The following CTDSPL variants were observed in gnomAD, a reference collection of about 807,000 sequenced individuals.
CTDSPL encodes CTD small phosphatase like, also known as CTD small phosphatase-like protein.
A neutral mutation model predicts 30.5 loss-of-function variants in CTDSPL; 8 were observed. The ratio of observed to expected loss-of-function variants is 0.26; its 90% CI spans 0.15 to 0.47. The LOEUF (loss-of-function observed/expected upper bound fraction) is 0.47. Ranked by LOEUF, CTDSPL falls within the 20% of genes least tolerant of loss-of-function variation. The pLI, the probability that CTDSPL is intolerant of heterozygous loss-of-function variation, is 0.99. For missense variants in CTDSPL, 248 were observed against 366.1 expected (o/e 0.68, Z 2.63); for synonymous variants, 110 against 137.9 (o/e 0.80, Z 1.42).
rs1699278012 is a variant in CTDSPL, at chr3:37,964,462, G to T, written c.268-109G>T. On this transcript the variant is annotated intron_variant, in intron 3 of 7. Transcript: ENST00000273179. ...CTTATTCCTATTGTTCTTAATAAAA[G>T]CCCATTATACGCTTGACCAGGCATT... is the stretch of plus-strand genomic sequence containing the variant. 1.1e-5 allele frequency: 7 copies of T among 665,788 alleles called. No homozygotes were observed. In the South Asian group the frequency reaches 1.2e-4, roughly 12 times the overall value. The allele number at this position is 665,788 out of a possible 1,614,324, so 41.2% of individuals were successfully genotyped here.
At chr3:37,869,130 G>A (rs1031543729) in intron 1 of CTDSPL, among the ~76,000 whole-genome samples, 2 of 152,016 alleles carry the variant, frequency 1.3e-5, no homozygotes, top group African/African-American at 4.8e-5. Context: ...TTACATCTGA[G>A]TGTTCTTTTT....
intron 1 of CTDSPL, among the ~76,000 whole-genome samples, chr3:37,927,113 G>A (rs1263595608): frequency 6.6e-6 from 1 of 152,058 alleles, no homozygotes; most frequent in Non-Finnish European, 1.5e-5. Context: ...GAAGCCACAA[G>A]TGGAAAATTC....
intron 1 of CTDSPL, among the ~76,000 whole-genome samples, chr3:37,894,692 C>T (rs1290248254): frequency 6.6e-6 from 1 of 152,006 alleles, no homozygotes; most frequent in Admixed American, 6.6e-5. Flanking sequence ...ATGGTTAAAC[C>T]TATGGTAGAC....
At chr3:37,871,102 C>T (rs1345067027) in intron 1 of CTDSPL, among the ~76,000 whole-genome samples, 1 of 152,122 alleles carries the variant, frequency 6.6e-6, no homozygotes, top group African/African-American at 2.4e-5. Flanking sequence ...CTCTGTGCTC[C>T]ACTTATTCAT....
intron 6 of CTDSPL, 59 bp downstream of exon 6, chr3:37,971,558 T>A (rs1184267772): frequency 1.4e-6 from 2 of 1,459,258 alleles, no homozygotes; most frequent in African/African-American, 1.4e-5. Context: ...CCTCCACCCC[T>A]ACCCCCAATC....
chr3:37,880,975 C>T (rs1011923598), intron 1 of CTDSPL, among the ~76,000 whole-genome samples: 2 of 148,708 alleles, frequency 1.3e-5, no homozygotes, highest in Non-Finnish European at 3.0e-5. Flanking sequence ...CACCATGGAA[C>T]TATTCTAGTG....
At chr3:37,926,954 C>CT in intron 1 of CTDSPL, among the ~76,000 whole-genome samples, 1 of 152,164 alleles carries the variant, frequency 6.6e-6, no homozygotes. Context: ...AATTCCAGTT[C>CT]TACTACTTAG....
At chr3:37,872,427 CT>C (rs2125588726) in intron 1 of CTDSPL, among the ~76,000 whole-genome samples, 1 of 150,526 alleles carries the variant, frequency 6.6e-6, no homozygotes, top group African/African-American at 2.4e-5. Flanking sequence ...GACTCTGGGT[CT>C]TATTTAAGCC....
chr3:37,864,772 ATAATT>A (rs1697990460), intron 1 of CTDSPL, among the ~76,000 whole-genome samples: 1 of 152,036 alleles, frequency 6.6e-6, no homozygotes, highest in Non-Finnish European at 1.5e-5. Flanking sequence ...TGTATTTTAC[ATAATT>A]TTATTTTGAG....
intron 1 of CTDSPL, among the ~76,000 whole-genome samples, chr3:37,930,375 C>A (rs1294377301): frequency 3.9e-5 from 6 of 152,218 alleles, no homozygotes; most frequent in Admixed American, 6.5e-5. Context: ...GTCCTCATGC[C>A]TCCAGCCTCC....
At chr3:37,926,237 C>A (rs1191528441) in intron 1 of CTDSPL, among the ~76,000 whole-genome samples, 1 of 152,094 alleles carries the variant, frequency 6.6e-6, no homozygotes, top group Non-Finnish European at 1.5e-5. Context: ...ACTAGCAGAG[C>A]CCAAGTGAGC....
chr3:37,926,546 T>C (rs766418735), intron 1 of CTDSPL, among the ~76,000 whole-genome samples: 2 of 152,232 alleles, frequency 1.3e-5, no homozygotes, highest in Non-Finnish European at 2.9e-5. Context: ...GTTTTTGGTG[T>C]CAGTGGTTTG....
chr3:37,966,300 G>T (rs1699297886), intron 4 of CTDSPL, among the ~76,000 whole-genome samples: 1 of 152,142 alleles, frequency 6.6e-6, no homozygotes, highest in Non-Finnish European at 1.5e-5. Flanking sequence ...TAAAGTTCTG[G>T]GCATTTCAAA....
chr3:37,953,819 A>G (rs186855564), intron 2 of CTDSPL, among the ~76,000 whole-genome samples: 1 of 152,222 alleles, frequency 6.6e-6, no homozygotes, highest in East Asian at 1.9e-4. Context: ...CAACCAACAC[A>G]GGAAAATCAA....
At chr3:37,939,305 A>T (rs965702139) in intron 1 of CTDSPL, among the ~76,000 whole-genome samples, 1 of 150,252 alleles carries the variant, frequency 6.7e-6, no homozygotes, top group Non-Finnish European at 1.5e-5. Context: ...TCATTCCTGT[A>T]TTATTGTTGC....
At chr3:37,864,352 C>T (rs1697981934) in intron 1 of CTDSPL, among the ~76,000 whole-genome samples, 2 of 152,192 alleles carry the variant, frequency 1.3e-5, no homozygotes, top group African/African-American at 4.8e-5. Context: ...TGTACAAATA[C>T]TCCAGGATAG....
At chr3:37,909,818 C>T (rs928864959) in intron 1 of CTDSPL, among the ~76,000 whole-genome samples, 1 of 152,216 alleles carries the variant, frequency 6.6e-6, no homozygotes, top group Non-Finnish European at 1.5e-5. Context: ...GTCACTATTG[C>T]TTGTAATTCA....
In CTDSPL at chr3:37,964,574, C is replaced by A; in HGVS notation, c.271C>A (p.Pro91Thr). 6.2e-7 allele frequency: 1 copy of A among 1,611,254 alleles called. No homozygotes were observed. The highest frequency in any genetic ancestry group is 8.5e-7 in the Non-Finnish European group (1 of 1,177,832). The change falls in exon 4 of 8, where the codon CCA (proline) becomes ACA (threonine). Residue 91 changes from proline to threonine, a missense_variant. Around this residue, in one of 4 missense-constraint regions of CTDSPL, gnomAD observed 118 missense variants for 124.7 expected, o/e 0.95. Coordinates refer to ENST00000273179, the MANE Select transcript of CTDSPL (RefSeq NM_001008392.2). ...QRQVIPIPSP[P>T]AKYLLPEVTV... ...CTGATTTATTTTTCCCCTTTAGCCA[C>A]CAGCTAAGTACCTTCTTCCAGAGGT...
intron 2 of CTDSPL, among the ~76,000 whole-genome samples, chr3:37,950,025 C>T (rs1016644706): frequency 2.0e-5 from 3 of 152,222 alleles, no homozygotes; most frequent in Admixed American, 1.3e-4. Flanking sequence ...AAGGAGCTGG[C>T]GGATCGCCTT....
Sources: allele counts gnomAD v4.1 joint callset (sites outside exome capture counted in the v4.1 genomes callset), GRCh38; gene constraint gnomAD v4.1.1; regional missense constraint gnomAD v4.1.1; transcripts MANE v1.5; gene names NCBI Gene and HGNC (gene_info 2026-07-23, HGNC 2026-07-21).